Variants in SGCZ observed in about 807,000 individuals in gnomAD.
The protein encoded by SGCZ is sarcoglycan zeta, also known as zeta-sarcoglycan.
A neutral mutation model predicts 41.3 loss-of-function variants in SGCZ; 40 were observed. That is an observed-to-expected ratio of 0.97 (90% CI 0.75 to 1.26). The LOEUF (loss-of-function observed/expected upper bound fraction) is 1.26. Ranked by LOEUF, SGCZ falls within the 50% of genes most tolerant of loss-of-function variation. The pLI, the probability that SGCZ is intolerant of heterozygous loss-of-function variation, is 0.00. For missense variants in SGCZ, 552 were observed against 369.8 expected, an observed-to-expected ratio of 1.49 and a Z score of -4.04; for synonymous variants, 206 against 137.5, an observed-to-expected ratio of 1.50 and a Z score of -3.49.
rs182458699 is a variant in SGCZ at position 14,588,168 on chromosome 8, A to G, written c.40-33242T>C. On this transcript the variant is annotated intron_variant, in intron 1 of 7. Transcript: ENST00000382080. The stretch of plus-strand genomic sequence containing the variant: ...TTAGACCAAATTAGAATATGATAAA[A>G]TTTTTCAGGAATAGCCATTGATTAC... Among the ~76,000 whole-genome samples, 274 of 147,986 alleles carry G rather than the reference A, an allele frequency of 1.9e-3. 2 individuals carry two copies. In the East Asian group the frequency reaches 0.03, roughly 16 times the overall value.
At chr8:15,095,845 C>A (rs1368928705) in intron 1 of SGCZ, among the ~76,000 whole-genome samples, 1 of 152,106 alleles carries the variant, frequency 6.6e-6, no homozygotes, top group African/African-American at 2.4e-5. Context: ...AAGTTATGTT[C>A]CCGGTAAAAC....
intron 2 of SGCZ, among the ~76,000 whole-genome samples, chr8:14,485,883 G>A (rs999283146): frequency 1.6e-5 from 2 of 121,720 alleles, no homozygotes; most frequent in East Asian, 2.7e-4. Context: ...CGCCCAGGCC[G>A]GACTGCGGAC....
chr8:14,528,831 AAAAAAACAAAAC>A (rs1308451059), intron 2 of SGCZ, among the ~76,000 whole-genome samples: 4 of 86,390 alleles, frequency 4.6e-5, no homozygotes, highest in Non-Finnish European at 6.8e-5. Context: ...ACCAGCCAAA[AAAAAAACAAAAC>A]AAAAACAAAA....
intron 1 of SGCZ, among the ~76,000 whole-genome samples, chr8:14,558,184 A>G (rs562947425): frequency 7.9e-5 from 12 of 152,134 alleles, no homozygotes; most frequent in Non-Finnish European, 1.8e-4. Context: ...AAAATTACCA[A>G]CAAAAAGAGT....
chr8:14,504,688 C>T (rs1802253559), intron 2 of SGCZ, among the ~76,000 whole-genome samples: 1 of 152,186 alleles, frequency 6.6e-6, no homozygotes, highest in Admixed American at 6.5e-5. Context: ...AGATGCCTGA[C>T]ATTCTTCAAT....
chr8:15,005,218 C>G (rs1412594274), intron 1 of SGCZ, among the ~76,000 whole-genome samples: 2 of 152,088 alleles, frequency 1.3e-5, no homozygotes, highest in East Asian at 3.9e-4. Context: ...GGCATGGTAC[C>G]AAAAGGCACC....
intron 2 of SGCZ, among the ~76,000 whole-genome samples, chr8:14,345,940 G>A (rs1307893984): frequency 2.6e-5 from 4 of 152,076 alleles, no homozygotes; most frequent in African/African-American, 9.7e-5. Flanking sequence ...AGGAAGGGAT[G>A]TCTCAGTAGA....
chr8:14,130,781 G>A (rs575274430), intron 5 of SGCZ, among the ~76,000 whole-genome samples: 6 of 152,268 alleles, frequency 3.9e-5, no homozygotes, highest in Admixed American at 6.5e-5. Flanking sequence ...AAAAGGGACC[G>A]TACCTGGAAG....
chr8:15,236,819 G>A (rs1448591228), intron 1 of SGCZ, among the ~76,000 whole-genome samples: 1 of 152,082 alleles, frequency 6.6e-6, no homozygotes, highest in Non-Finnish European at 1.5e-5. Context: ...GGGAACCCGC[G>A]GAGCGGCGGG....
chr8:14,240,416 T>A (rs1232212000), intron 3 of SGCZ, among the ~76,000 whole-genome samples: 1 of 151,948 alleles, frequency 6.6e-6, no homozygotes, highest in Non-Finnish European at 1.5e-5. Context: ...GCAATCTCCT[T>A]TTACTCTAAC....
intron 1 of SGCZ, among the ~76,000 whole-genome samples, chr8:14,642,499 G>T (rs1435367141): frequency 6.6e-6 from 1 of 151,076 alleles, no homozygotes; most frequent in African/African-American, 2.4e-5. Flanking sequence ...GTTACAATAT[G>T]TAAGGTATCG....
chr8:14,289,622 A>G (rs1294008820), intron 3 of SGCZ, among the ~76,000 whole-genome samples: 1 of 152,102 alleles, frequency 6.6e-6, no homozygotes, highest in Non-Finnish European at 1.5e-5. Context: ...TATTTTGGTC[A>G]TGATAGCTTT....
chr8:14,374,132 C>T (rs561775646), intron 2 of SGCZ, among the ~76,000 whole-genome samples: 1 of 152,268 alleles, frequency 6.6e-6, no homozygotes, highest in South Asian at 2.1e-4. Flanking sequence ...AATCCCGGCA[C>T]TTTGGAAGGC....
intron 2 of SGCZ, among the ~76,000 whole-genome samples, chr8:14,377,026 C>T (rs752616653): frequency 1.3e-5 from 2 of 152,104 alleles, no homozygotes; most frequent in Non-Finnish European, 2.9e-5. Flanking sequence ...ACAATAAACC[C>T]CTTTCCGCCA....
chr8:15,050,374 T>C (rs989739276), intron 1 of SGCZ, among the ~76,000 whole-genome samples: 22 of 152,292 alleles, frequency 1.4e-4, no homozygotes, highest in African/African-American at 5.3e-4. Context: ...AACCTATTTA[T>C]GGCACTTATG....
chr8:14,634,405 C>T (rs1806760096), intron 1 of SGCZ, among the ~76,000 whole-genome samples: 1 of 151,598 alleles, frequency 6.6e-6, no homozygotes, highest in South Asian at 2.1e-4. Flanking sequence ...TTAAACCACC[C>T]ACACTCAACG....
chr8:14,336,776 T>C, intron 2 of SGCZ, among the ~76,000 whole-genome samples: 1 of 152,166 alleles, frequency 6.6e-6, no homozygotes, highest in African/African-American at 2.4e-5. Flanking sequence ...ACCAAATGTG[T>C]CTCAAACAAA....
chr8:14,325,041 G>C lies in SGCZ; in HGVS notation c.235-837C>G, dbSNP rs1265769734. Reference sequence around the variant, plus strand: ...AGAAAGCAATGGAGAGTACATTTTGGAGCCGGAGAAAGGAAAGCCATACAT... The same window carrying C: ...AGAAAGCAATGGAGAGTACATTTTGCAGCCGGAGAAAGGAAAGCCATACAT... On this transcript the variant is annotated intron_variant, in intron 2 of 7. Coordinates refer to ENST00000382080, the MANE Select transcript of SGCZ (RefSeq NM_139167.4). Among the ~76,000 whole-genome samples, 3 of 152,050 alleles carry C rather than the reference G, an allele frequency of 2.0e-5. No homozygotes were observed. The East Asian group carries it at 5.8e-4, about 29-fold the overall frequency.
intron 1 of SGCZ, among the ~76,000 whole-genome samples, chr8:14,866,439 G>C (rs995684003): frequency 6.6e-6 from 1 of 151,662 alleles, no homozygotes; most frequent in Non-Finnish European, 1.5e-5. Context: ...ATGACTATAA[G>C]AAAGAAAAAA....
Sources: gnomAD v4.1 joint callset for allele counts (sites outside exome capture counted in the v4.1 genomes callset) on GRCh38, gnomAD v4.1.1 for gene constraint, MANE v1.5 for transcripts, NCBI Gene and HGNC (gene_info 2026-07-23, HGNC 2026-07-21) for gene names.